The following PCDH7 variants were observed in gnomAD, a reference collection of about 807,000 sequenced individuals.
PCDH7 encodes the protein protocadherin 7, also known as protocadherin-7.
In PCDH7, 17 loss-of-function variants were observed where a neutral mutation model predicts 58.9. The observed-to-expected ratio is 0.29, with a 90% confidence interval of 0.20 to 0.43. The LOEUF (loss-of-function observed/expected upper bound fraction) is 0.43. Ranked by LOEUF, PCDH7 falls within the 20% of genes least tolerant of loss-of-function variation. The pLI, the probability that PCDH7 is intolerant of heterozygous loss-of-function variation, is 1.00. For missense variants in PCDH7, 1,274 were observed against 1,441.0 expected (o/e 0.88, Z 1.88); for synonymous variants, 664 against 616.4 (o/e 1.08, Z -1.14).
chr4:30,777,036 T>C (rs1722158160), intron 1 of PCDH7, among the ~76,000 whole-genome samples: 1 of 152,136 alleles, frequency 6.6e-6, no homozygotes, highest in South Asian at 2.1e-4. Context: ...AAACTTGCTT[T>C]TAAGAACAAT....
chr4:31,096,097 G>T (rs1713939400), intron 3 of PCDH7, among the ~76,000 whole-genome samples: 1 of 152,188 alleles, frequency 6.6e-6, no homozygotes, highest in South Asian at 2.1e-4. Flanking sequence ...ATAAGATATA[G>T]CTCATCATGC....
intron 3 of PCDH7, among the ~76,000 whole-genome samples, chr4:31,120,759 G>C (rs971600305): frequency 6.6e-6 from 1 of 152,034 alleles, no homozygotes; most frequent in Admixed American, 6.6e-5. Context: ...GTTACTCCGG[G>C]GGCCCTAGTT....
intron 1 of PCDH7, among the ~76,000 whole-genome samples, chr4:30,865,363 A>G (rs548291360): frequency 6.6e-6 from 1 of 152,232 alleles, no homozygotes; most frequent in African/African-American, 2.4e-5. Context: ...TTTAATAAGT[A>G]TTAGAACATC....
Position 31,012,906 on chromosome 4 carries a change from A to T in PCDH7, c.*7+62691A>T, listed in dbSNP as rs560361522. Among the ~76,000 whole-genome samples, 34 of 150,638 alleles carry T rather than the reference A, an allele frequency of 2.3e-4. 5 individuals carry two copies. In the South Asian group the frequency reaches 7.4e-3, roughly 33 times the overall value. On this transcript the variant is annotated intron_variant, in intron 3 of 3. Coordinates refer to the PCDH7 transcript ENST00000509759. ...GTGGCTGTGGTCCCAGATACTCTAGAGACTGAGGCAGGAGAATCCTTTGAG... is the reference window on the plus strand; with the variant it reads ...GTGGCTGTGGTCCCAGATACTCTAGTGACTGAGGCAGGAGAATCCTTTGAG...
chr4:30,785,842 T>C (rs972188193), intron 1 of PCDH7, among the ~76,000 whole-genome samples: 1 of 151,988 alleles, frequency 6.6e-6, no homozygotes, highest in African/African-American at 2.4e-5. Flanking sequence ...ATGTACCATG[T>C]TTACTCTATG....
chr4:30,961,473 A>C (rs921742709), intron 3 of PCDH7, among the ~76,000 whole-genome samples: 2 of 152,074 alleles, frequency 1.3e-5, no homozygotes, highest in Non-Finnish European at 2.9e-5. Context: ...AGTGGCGTGA[A>C]CCTGGGAGGT....
exon 2 of PCDH7, chr4:30,730,962 A>G (rs1215257293): frequency 3.9e-6 from 5 of 1,283,846 alleles, no homozygotes; most frequent in Non-Finnish European, 4.9e-6. Flanking sequence ...AAATAGTATG[A>G]AAATAAAATA....
Position 30,804,761 on chromosome 4 carries a change from G to A in PCDH7, c.70+80165G>A, listed in dbSNP as rs114968280. On this transcript the variant is annotated intron_variant, in intron 1 of 3. Transcript: ENST00000509759. ...CTACCCACTTAAAGATTATTATATC[G>A]CCAGAAACAGACTAAGACAAACATA... is the stretch of plus-strand genomic sequence containing the variant. Among the ~76,000 whole-genome samples the A allele has an allele frequency of 9.5e-4, 145 of 152,084 alleles. 1 individual carries two copies. The highest frequency in any genetic ancestry group is 3.3e-3 in the African/African-American group (137 of 41,476).
intron 1 of PCDH7, among the ~76,000 whole-genome samples, chr4:30,890,921 G>A (rs1337224354): frequency 6.6e-6 from 1 of 152,024 alleles, no homozygotes; most frequent in East Asian, 1.9e-4. Context: ...TTAAGTGGGG[G>A]CCTTTGTGTT....
chr4:30,803,494 G>C (rs910754292), intron 1 of PCDH7, among the ~76,000 whole-genome samples: 1 of 152,006 alleles, frequency 6.6e-6, no homozygotes, highest in Non-Finnish European at 1.5e-5. Context: ...CAGGGGTGCA[G>C]TGGCATCATT....
At chr4:30,760,058 T>TAAGAA (rs1378238354) in intron 1 of PCDH7, among the ~76,000 whole-genome samples, 1 of 150,962 alleles carries the variant, frequency 6.6e-6, no homozygotes, top group East Asian at 1.9e-4. Flanking sequence ...AAGCTACTGA[T>TAAGAA]AAGAAAAAAA....
chr4:31,063,672 C>T (rs563601292), intron 3 of PCDH7, among the ~76,000 whole-genome samples: 7 of 151,786 alleles, frequency 4.6e-5, no homozygotes, highest in Non-Finnish European at 8.8e-5. Flanking sequence ...ATGGTCTTGT[C>T]TTCTTTATAA....
chr4:30,850,067 C>G (rs1387720138), intron 1 of PCDH7, among the ~76,000 whole-genome samples: 1 of 152,034 alleles, frequency 6.6e-6, no homozygotes, highest in East Asian at 1.9e-4. Context: ...TTGCCTTTGT[C>G]TTCATGTAGC....
chr4:31,120,288 C>A (rs940840696), intron 3 of PCDH7, among the ~76,000 whole-genome samples: 1 of 151,688 alleles, frequency 6.6e-6, no homozygotes, highest in African/African-American at 2.4e-5. Context: ...TCCTGTTCAT[C>A]CCTATTTCTT....
chr4:31,037,010 A>G (rs756485674), intron 3 of PCDH7, among the ~76,000 whole-genome samples: 1 of 151,786 alleles, frequency 6.6e-6, no homozygotes, highest in African/African-American at 2.4e-5. Flanking sequence ...TGATTCAATT[A>G]CCTCCCACCG....
At chr4:31,109,666 G>A (rs1716038935) in intron 3 of PCDH7, among the ~76,000 whole-genome samples, 1 of 152,152 alleles carries the variant, frequency 6.6e-6, no homozygotes, top group South Asian at 2.1e-4. Flanking sequence ...CATTTCATGG[G>A]TTTATCTCTG....
At chr4:31,078,375 T>C (rs1199968278) in intron 3 of PCDH7, among the ~76,000 whole-genome samples, 1 of 152,142 alleles carries the variant, frequency 6.6e-6, no homozygotes, top group Admixed American at 6.6e-5. Flanking sequence ...CTCAAACTTC[T>C]GGGCTCCAGT....
intron 1 of PCDH7, among the ~76,000 whole-genome samples, chr4:30,728,882 C>A (rs1715039005): frequency 6.6e-6 from 1 of 151,208 alleles, no homozygotes; most frequent in Admixed American, 6.6e-5. Context: ...CATATACACA[C>A]ATATTAGTGT....
intron 3 of PCDH7, among the ~76,000 whole-genome samples, chr4:31,040,798 C>T (rs1755802993): frequency 1.3e-5 from 2 of 152,074 alleles, no homozygotes; most frequent in African/African-American, 2.4e-5. Flanking sequence ...TCCCCTCTGG[C>T]ATATTTTGTT....
Sources: allele counts gnomAD v4.1 joint callset (sites outside exome capture counted in the v4.1 genomes callset), GRCh38; gene constraint gnomAD v4.1.1; transcripts MANE v1.5; gene names NCBI Gene and HGNC (gene_info 2026-07-23, HGNC 2026-07-21).